NIBAN3: variants seen among roughly 807,000 people sequenced by gnomAD.
NIBAN3 encodes niban apoptosis regulator 3, also known as protein Niban 3.
NIBAN3 carries 66 observed loss-of-function variants against 76.4 expected under a neutral mutation model. The ratio of observed to expected loss-of-function variants is 0.86; its 90% CI spans 0.71 to 1.06. The LOEUF (loss-of-function observed/expected upper bound fraction) is 1.06. Among genes scored for constraint, NIBAN3 ranks in the 50% least tolerant of loss-of-function variants. The pLI is 0.00. For missense variants in NIBAN3, 808 were observed against 810.7 expected (o/e 1.00, Z 0.04); for synonymous variants, 360 against 355.2 (o/e 1.01, Z -0.15).
upstream of NIBAN3, among the ~76,000 whole-genome samples, chr19:17,526,721 A>G (rs2144658834): frequency 6.6e-6 from 1 of 151,712 alleles, no homozygotes; most frequent in South Asian, 2.1e-4. Context: ...GGGGGCCTGA[A>G]GAAGGAATCA....
At chr19:17,538,019 C>G (rs1393084284) in intron 5 of NIBAN3, among the ~76,000 whole-genome samples, 4 of 151,906 alleles carry the variant, frequency 2.6e-5, no homozygotes, top group African/African-American at 9.7e-5. Flanking sequence ...TTGTGAGTGA[C>G]TAGGGCTGTA....
intron 5 of NIBAN3, among the ~76,000 whole-genome samples, 195 bp from the exon 6 acceptor site, chr19:17,538,955 G>A (rs951644857): frequency 6.6e-6 from 1 of 152,232 alleles, no homozygotes; most frequent in Non-Finnish European, 1.5e-5. Flanking sequence ...GCCAGTAGAG[G>A]GTTCCTTCTA....
rs1374940734 is a variant in NIBAN3 at position 17,539,396 on chromosome 19, A to G, written c.761A>G (p.Gln254Arg). ...GAGCAACTTCCCGCGCTGCGAGCCC[A>G]GACCCTTCCTGGCCTGCGGGGGGCA... ...MREQLPALRAQTLPGLRGAGR... is the reference protein window; with the variant it reads ...MREQLPALRARTLPGLRGAGR... The change falls in exon 7 of 15, where the codon CAG (glutamine) becomes CGG (arginine). Residue 254 changes from glutamine (Q) to arginine (R), a missense_variant. By Grantham distance (43) the Gln-to-Arg change is conservative. Transcript: ENST00000599164. 1 of 1,539,118 alleles carries G rather than the reference A, an allele frequency of 6.5e-7. No homozygotes were observed. Among genetic ancestry groups the G allele is most frequent in the Admixed American group, 2.0e-5 (1 of 50,530 alleles).
chr19:17,547,541 G>C (rs1419774836), intron 13 of NIBAN3, among the ~76,000 whole-genome samples: 1 of 150,578 alleles, frequency 6.6e-6, no homozygotes, highest in African/African-American at 2.4e-5. Flanking sequence ...TTTTAGTAGA[G>C]ATGGGGTTTC....
chr19:17,549,293 T>C, intron 13 of NIBAN3, 151 bp from the exon 14 acceptor site: 1 of 647,188 alleles, frequency 1.5e-6, no homozygotes, highest in South Asian at 1.9e-5. Context: ...TAGCAATGTC[T>C]GCCATGGGTG....
chr19:17,537,339 G>T (rs1226862865), intron 4 of NIBAN3, 37 bp from the exon 5 acceptor site: 1 of 1,596,852 alleles, frequency 6.3e-7, no homozygotes, highest in Admixed American at 1.7e-5. Flanking sequence ...CCTAGTGAAT[G>T]AACGTCTAGA....
At chr19:17,536,239 C>G (rs1281152497) in intron 4 of NIBAN3, among the ~76,000 whole-genome samples, 1 of 152,156 alleles carries the variant, frequency 6.6e-6, no homozygotes, top group Admixed American at 6.6e-5. Flanking sequence ...CTCCCAGGCT[C>G]AAGTGCAGTG....
intron 4 of NIBAN3, among the ~76,000 whole-genome samples, chr19:17,535,621 G>A (rs1295183996): frequency 1.3e-5 from 2 of 151,932 alleles, no homozygotes; most frequent in East Asian, 3.9e-4. Context: ...GGTGGCACAC[G>A]CCTATAATCC....
chr19:17,531,887 C>A (rs1162445096), intron 2 of NIBAN3, among the ~76,000 whole-genome samples: 1 of 152,226 alleles, frequency 6.6e-6, no homozygotes, highest in Admixed American at 6.5e-5. Flanking sequence ...AGTCTTCACC[C>A]CTTTGGTAGA....
Position 17,546,708 on chromosome 19 carries a change from A to G in NIBAN3, c.1577A>G (p.Asp526Gly). 1.9e-6 allele frequency: 3 copies of G among 1,591,328 alleles called. No homozygotes were observed. Among genetic ancestry groups the G allele is most frequent in the Non-Finnish European group, 2.6e-6 (3 of 1,170,384 alleles). ...CKKELPEFEG[D>G]VLAVGSQALT... ...CAGGAGCTGCCTGAGTTCGAGGGGG[A>G]TGTCCTTGCCGTGGGCAGCCAGGCT... is the stretch of plus-strand genomic sequence containing the variant. The change falls in exon 13 of 15, where the codon GAT becomes GGT. Residue 526 changes from aspartate to glycine, a missense_variant. By Grantham distance (94) the Asp-to-Gly change is moderately conservative. Coordinates refer to ENST00000599164, the MANE Select transcript of NIBAN3 (RefSeq NM_001321827.2).
At chr19:17,543,976 A>AGCAAGGGCCT (rs1416446735) in intron 12 of NIBAN3, 1 of 153,148 alleles carries the variant, frequency 6.5e-6, no homozygotes. Flanking sequence ...TGGGCGACAG[A>AGCAAGGGCCT]GTGAAACTCA....
In NIBAN3 at chr19:17,546,792, A is replaced by G; in HGVS notation, c.1661A>G (p.Asp554Gly). 2 of 1,594,820 alleles carry G rather than the reference A, an allele frequency of 1.3e-6. No homozygotes were observed. Among genetic ancestry groups the G allele is most frequent in the Non-Finnish European group, 8.5e-7 (1 of 1,171,684 alleles). Residue 554 changes from aspartate to glycine, a missense_variant, in exon 13 of 15, where the codon GAC (aspartate) becomes GGC (glycine). Asp to Gly is a moderately conservative substitution (Grantham distance 94, BLOSUM62 -1). Transcript: ENST00000599164. ...CGGGGGTGCTTGCTGCAGAGGATTG[A>G]CCAAGGTGAGTCCCGCCCTGCCATG... ...VIRGCLLQRIDQELKKTLGAN... is the reference protein window; with the variant it reads ...VIRGCLLQRIGQELKKTLGAN...
Position 17,532,150 on chromosome 19 carries a change from G to A in NIBAN3, c.187-113G>A, listed in dbSNP as rs1599714331. 1.4e-5 allele frequency: 18 copies of A among 1,332,422 alleles called. No homozygotes were observed. In the East Asian group the frequency reaches 4.6e-4, roughly 34 times the overall value. 82.5% of individuals were successfully genotyped at this position (1,332,422 alleles called of 1,614,324 possible). ...GCCTAGGACTCTCTCTGTCCAGCCT[G>A]GGGCATCACGGGACCTTAGCGTCAC... On this transcript the variant is annotated intron_variant, in intron 2 of 14. Transcript: ENST00000599164.
At chr19:17,539,052 G>A in intron 5 of NIBAN3, 98 bp from the exon 6 acceptor site, 1 of 990,668 alleles carries the variant, frequency 1.0e-6, no homozygotes, top group Non-Finnish European at 1.5e-6. Flanking sequence ...GTGAGACTTG[G>A]GTGTTGGGGA....
chr19:17,527,396 G>C lies in NIBAN3; in HGVS notation c.55+1G>C, dbSNP rs200563406. On this transcript the variant is annotated splice_donor_variant, in intron 1 of 14. Transcript: ENST00000599164. LOFTEE classifies it high-confidence loss of function. ...AAGCAGCAGCGGCAGCACCTAAGGGGTGAGCAGCCGGGGAGGGGACAGGGT... is the reference window on the plus strand; with the variant it reads ...AAGCAGCAGCGGCAGCACCTAAGGGCTGAGCAGCCGGGGAGGGGACAGGGT... 7.4e-5 allele frequency: 113 copies of C among 1,516,888 alleles called. 1 individual carries two copies. In the Admixed American group the frequency reaches 9.7e-4, roughly 13 times the overall value. 94.0% of individuals were successfully genotyped at this position (1,516,888 alleles called of 1,614,324 possible).
Position 17,529,385 on chromosome 19 carries a change from C to T in NIBAN3, c.56-1370C>T, listed in dbSNP as rs1175723065. ...AAGTCCTTTCATCTCATGGCTCTGC[C>T]ATGTGTGGATTCCTGTGCCCAAGGT... On this transcript the variant is annotated intron_variant, in intron 1 of 14. Coordinates refer to ENST00000599164, the MANE Select transcript of NIBAN3 (RefSeq NM_001321827.2). 2.6e-5 allele frequency among the ~76,000 whole-genome samples: 4 copies of T among 152,026 alleles called. No individual in the cohort carries two copies. The South Asian group carries it at 8.3e-4, about 32-fold the overall frequency.
At chr19:17,527,164 C>T (rs946156975), upstream of NIBAN3, 4 of 1,505,328 alleles carry the variant, frequency 2.7e-6, no homozygotes, top group East Asian at 7.4e-5. Context: ...TGGCTCTGGG[C>T]AACACGGGCC....
chr19:17,540,561 A>G lies in NIBAN3; in HGVS notation c.1149A>G (p.Ser383=), dbSNP rs11878663. The G allele has an allele frequency of 0.87, 1,331,348 of 1,533,116 alleles. 581,463 individuals carry two copies. Among genetic ancestry groups the G allele is most frequent in the Middle Eastern group, 0.97 (5,603 of 5,770 alleles). The allele number at this position is 1,533,116 out of a possible 1,614,324, so 95.0% of individuals were successfully genotyped here. A position where few individuals can be genotyped will look rare whatever the true frequency, so the allele number is the denominator to read the frequency against. The part of the protein sequence containing the change: ...RLSHRLRQSP[S]GTRLRREVYS... ...CCCACCGCCTGCGCCAGAGCCCCTC[A>G]GGCACGCGGCTGCGCAGGGAGGTGA... The change falls in exon 9 of 15, where the codon TCA becomes TCG. Residue 383 remains serine, a synonymous_variant. Coordinates refer to ENST00000599164, the MANE Select transcript of NIBAN3 (RefSeq NM_001321827.2).
chr19:17,530,971 C>A, intron 2 of NIBAN3, 86 bp downstream of exon 2: 1 of 1,445,128 alleles, frequency 6.9e-7, no homozygotes, highest in Non-Finnish European at 9.3e-7. Context: ...CAACCTCAGA[C>A]CTTTGCCATT....
Sources: allele counts gnomAD v4.1 joint callset (sites outside exome capture counted in the v4.1 genomes callset), GRCh38; gene constraint gnomAD v4.1.1; transcripts MANE v1.5; gene names NCBI Gene and HGNC (gene_info 2026-07-23, HGNC 2026-07-21).